Variants in GRAP2 observed in about 807,000 individuals in gnomAD.
GRAP2 encodes the protein GRB2 related adaptor protein 2, also known as GRB2-related adapter protein 2.
In GRAP2, 31 loss-of-function variants were observed where a neutral mutation model predicts 43.5. The ratio of observed to expected loss-of-function variants is 0.71; its 90% CI spans 0.54 to 0.96. The LOEUF is 0.96. GRAP2 is among the 40% of genes least tolerant of loss of function. The probability of loss-of-function intolerance (pLI) is 0.00; values close to 1 mark genes in which losing one functional copy is unlikely to be tolerated. For missense variants in GRAP2, 371 were observed against 424.4 expected, an observed-to-expected ratio of 0.87 and a Z score of 1.11; for synonymous variants, 156 against 164.8, an observed-to-expected ratio of 0.95 and a Z score of 0.41.
At chr22:39,966,529 A>C (rs1421247703) in intron 5 of GRAP2, among the ~76,000 whole-genome samples, 1 of 152,178 alleles carries the variant, frequency 6.6e-6, no homozygotes, top group Non-Finnish European at 1.5e-5. Context: ...GCTACACCAA[A>C]GTTTTCAACC....
At chr22:39,913,609 C>G (rs1189342067) in intron 1 of GRAP2, among the ~76,000 whole-genome samples, 27 of 152,118 alleles carry the variant, frequency 1.8e-4, no homozygotes, top group Non-Finnish European at 4.0e-4. Context: ...AAGAAGGGGT[C>G]AAGGGCTCCC....
Position 39,901,173 on chromosome 22 carries a change from C to A in GRAP2, c.-172C>A. 1 of 589,552 alleles carries A rather than the reference C, an allele frequency of 1.7e-6. No individual in the cohort carries two copies. Among genetic ancestry groups the A allele is most frequent in the Non-Finnish European group, 2.8e-6 (1 of 351,204 alleles). 36.5% of individuals were successfully genotyped at this position (589,552 alleles called of 1,614,324 possible). A position where few individuals can be genotyped will look rare whatever the true frequency, so the allele number is the denominator to read the frequency against. On this transcript the variant is annotated 5_prime_UTR_variant, in exon 1 of 8. Transcript: ENST00000344138. The stretch of plus-strand genomic sequence containing the variant: ...GTTAATGGATCTGTAAACTTGCACC[C>A]TCTTTCAGAGTGGTACATGGAAGAC...
chr22:39,926,582 G>C (rs921635386), intron 1 of GRAP2: 33 of 984,642 alleles, frequency 3.4e-5, no homozygotes, highest in Non-Finnish European at 3.7e-5. Context: ...GCTCTAGCTG[G>C]GGGTGGGGAA....
chr22:39,970,426 C>T (rs2067227065), intron 7 of GRAP2, among the ~76,000 whole-genome samples: 1 of 152,130 alleles, frequency 6.6e-6, no homozygotes, highest in African/African-American at 2.4e-5. Flanking sequence ...ACACCAAGGG[C>T]TGTTGTTTGG....
intron 1 of GRAP2, among the ~76,000 whole-genome samples, chr22:39,938,136 C>G (rs959479258): frequency 3.3e-5 from 5 of 152,176 alleles, no homozygotes; most frequent in African/African-American, 1.2e-4. Flanking sequence ...TGGGGACAGT[C>G]TCCTGACTTG....
rs375598055 is a variant in GRAP2, at chr22:39,902,172, C to T, written c.-15+842C>T. On this transcript the variant is annotated intron_variant, in intron 1 of 7. Transcript: ENST00000344138. ...ACTAGGAGTGGGAAGTGTTTTAGATCTAAACATCCAATGGGAAAAATTTCG... is the reference window on the plus strand; with the variant it reads ...ACTAGGAGTGGGAAGTGTTTTAGATTTAAACATCCAATGGGAAAAATTTCG... Among the ~76,000 whole-genome samples the T allele has an allele frequency of 2.9e-4, 44 of 152,270 alleles. 1 individual carries two copies. The South Asian group carries it at 8.7e-3, about 30-fold the overall frequency.
At chr22:39,965,121 G>C (rs1251766574) in intron 4 of GRAP2, among the ~76,000 whole-genome samples, 2 of 152,236 alleles carry the variant, frequency 1.3e-5, no homozygotes, top group Non-Finnish European at 2.9e-5. Flanking sequence ...AGGGCGCAGT[G>C]CCTCACACCT....
intron 1 of GRAP2, among the ~76,000 whole-genome samples, chr22:39,939,465 G>A (rs1476990760): frequency 2.0e-5 from 3 of 150,540 alleles, no homozygotes; most frequent in South Asian, 2.1e-4. Flanking sequence ...AGGAGGCTGA[G>A]GCAGGAGAAT....
chr22:39,911,390 C>T (rs896769810), intron 1 of GRAP2, among the ~76,000 whole-genome samples: 1 of 151,686 alleles, frequency 6.6e-6, no homozygotes, highest in African/African-American at 2.4e-5. Flanking sequence ...ATCACCTCCC[C>T]CAGCCCCATC....
At chr22:39,933,847 A>G (rs1277985762) in intron 1 of GRAP2, among the ~76,000 whole-genome samples, 1 of 151,978 alleles carries the variant, frequency 6.6e-6, no homozygotes, top group East Asian at 1.9e-4. Context: ...TCTCGAAAAA[A>G]AAAAAAAGAA....
chr22:39,942,507 G>C (rs1024639113), intron 1 of GRAP2, among the ~76,000 whole-genome samples: 1 of 151,946 alleles, frequency 6.6e-6, no homozygotes, highest in Non-Finnish European at 1.5e-5. Context: ...TTGTTGGCTG[G>C]ACCACGGTGG....
At chr22:39,951,181 T>A (rs1031511124) in intron 2 of GRAP2, among the ~76,000 whole-genome samples, 1 of 152,220 alleles carries the variant, frequency 6.6e-6, no homozygotes, top group African/African-American at 2.4e-5. Context: ...GCCAAATGAC[T>A]TGATCCTGCT....
intron 4 of GRAP2, among the ~76,000 whole-genome samples, chr22:39,965,431 CA>C (rs2067162328): frequency 6.6e-6 from 1 of 152,100 alleles, no homozygotes; most frequent in South Asian, 2.1e-4. Context: ...GCTATTTCAC[CA>C]AAAGCTGAAA....
chr22:39,894,709 T>A, the GRAP2 span, among the ~76,000 whole-genome samples: 3 of 152,184 alleles, frequency 2.0e-5, 1 homozygote, highest in South Asian at 6.2e-4. Context: ...TTCAACTGAT[T>A]TTCCGTGAGC....
At chr22:39,922,442 A>C (rs763680294) in intron 1 of GRAP2, among the ~76,000 whole-genome samples, 3 of 152,204 alleles carry the variant, frequency 2.0e-5, no homozygotes, top group Non-Finnish European at 4.4e-5. Flanking sequence ...CATGCCTTAC[A>C]TGGGGCTGCT....
upstream of GRAP2, among the ~76,000 whole-genome samples, chr22:39,898,323 A>G (rs921214420): frequency 2.0e-5 from 3 of 152,166 alleles, no homozygotes; most frequent in Non-Finnish European, 4.4e-5. Flanking sequence ...TCCCTTTACC[A>G]GAATGTAAGA....
intron 1 of GRAP2, among the ~76,000 whole-genome samples, chr22:39,909,272 A>C (rs1428152363): frequency 2.0e-5 from 3 of 152,250 alleles, no homozygotes; most frequent in Admixed American, 6.5e-5. Context: ...GAAAGTGTGA[A>C]GTCAAGGAAT....
Position 39,966,124 on chromosome 22 carries a change from A to G in GRAP2, c.425A>G (p.Gln142Arg), listed in dbSNP as rs2067170603. The change falls in exon 5 of 8, where the codon CAG (glutamine) becomes CGG (arginine). Residue 142 changes from glutamine (Q) to arginine (R), a missense_variant. Gln to Arg is a conservative substitution (Grantham distance 43). Transcript: ENST00000344138. ...ACAAATTCCATCTCCAGACAGAAGC[A>G]GATCTTCCTTAGAGACAGAACCCGA... ...YRTNSISRQK[Q>R]IFLRDRTRED... 1 of 1,614,158 alleles carries G rather than the reference A, an allele frequency of 6.2e-7. No homozygotes were observed.
At chr22:39,915,733 T>G (rs1035816152) in intron 1 of GRAP2, among the ~76,000 whole-genome samples, 2 of 152,226 alleles carry the variant, frequency 1.3e-5, no homozygotes, top group Admixed American at 6.5e-5. Context: ...AAAAGCAATT[T>G]GTAAACTGTA....
Sources: allele counts gnomAD v4.1 joint callset (sites outside exome capture counted in the v4.1 genomes callset), GRCh38; gene constraint gnomAD v4.1.1; transcripts MANE v1.5; gene names NCBI Gene and HGNC (gene_info 2026-07-23, HGNC 2026-07-21).